Variants in LMBR1 observed in about 807,000 individuals in gnomAD.
The protein encoded by LMBR1 is limb development membrane protein 1, also known as limb region 1 protein homolog.
A neutral mutation model predicts 73.9 loss-of-function variants in LMBR1; 52 were observed. The ratio of observed to expected loss-of-function variants is 0.70; its 90% CI spans 0.56 to 0.89. The LOEUF (loss-of-function observed/expected upper bound fraction) is 0.89, where lower values mean the gene tolerates loss of function less well. Ranked by LOEUF, LMBR1 falls within the 40% of genes least tolerant of loss-of-function variation. The probability of loss-of-function intolerance (pLI) is 0.00; values close to 1 mark genes in which losing one functional copy is unlikely to be tolerated. For missense variants in LMBR1, 539 were observed against 579.8 expected, an observed-to-expected ratio of 0.93 and a Z score of 0.72; for synonymous variants, 215 against 209.4, an observed-to-expected ratio of 1.03 and a Z score of -0.23.
intron 1 of LMBR1, among the ~76,000 whole-genome samples, chr7:156,841,566 A>G (rs1838704039): frequency 6.6e-6 from 1 of 152,172 alleles, no homozygotes; most frequent in Admixed American, 6.5e-5. Flanking sequence ...GAGGCAAACC[A>G]AGAGACTAGA....
Position 156,681,124 on chromosome 7 carries a change from A to G in LMBR1, c.*2954T>C, listed in dbSNP as rs1804949305. On this transcript the variant is annotated 3_prime_UTR_variant, in exon 17 of 17. Transcript: ENST00000353442. ...TGTAAGAATTCTGCCTTTATGCATT[A>G]AATAACGTGCTACCAACAAAACTAG... The G allele has an allele frequency of 1.1e-5, 5 of 438,822 alleles. No homozygotes were observed. Among genetic ancestry groups the G allele is most frequent in the South Asian group, 6.7e-5 (4 of 59,756 alleles). The allele number at this position is 438,822 out of a possible 1,614,324, so 27.2% of individuals were successfully genotyped here.
chr7:156,816,182 A>C (rs984940292), intron 4 of LMBR1, among the ~76,000 whole-genome samples: 5 of 152,058 alleles, frequency 3.3e-5, no homozygotes, highest in African/African-American at 1.2e-4. Flanking sequence ...AAATGAAAAA[A>C]ATATTTTTTT....
intron 5 of LMBR1, among the ~76,000 whole-genome samples, chr7:156,786,334 C>T (rs1828099195): frequency 6.6e-6 from 1 of 151,916 alleles, no homozygotes; most frequent in Non-Finnish European, 1.5e-5. Context: ...ATTCCCAGTG[C>T]TACAAGCTTA....
At chr7:156,723,820 T>A (rs1815129802) in intron 15 of LMBR1, among the ~76,000 whole-genome samples, 1 of 152,124 alleles carries the variant, frequency 6.6e-6, no homozygotes. Context: ...ACTAGAGGAC[T>A]CGAAAGCCTA....
chr7:156,669,536 C>T lies in LMBR1; in HGVS notation n.867-249G>A, dbSNP rs187771943. 1.4e-4 allele frequency among the ~76,000 whole-genome samples: 21 copies of T among 152,228 alleles called. No individual in the cohort carries two copies. The highest frequency in any genetic ancestry group is 2.1e-4 in the South Asian group (1 of 4,818). ...AGGGGCAGGCTGGCAGAGTGTGAGC[C>T]GCTGGGCACAGGTGACCCTTCCAGG... On this transcript the variant is annotated intron_variant and non_coding_transcript_variant, in intron 4 of 4. Coordinates refer to the LMBR1 transcript ENST00000430825. The surrounding 1 kb of genome is among the most constrained non-coding windows in gnomAD (Gnocchi z 4.2).
intron 1 of LMBR1, among the ~76,000 whole-genome samples, chr7:156,862,045 C>T (rs915439962): frequency 8.5e-5 from 13 of 152,254 alleles, no homozygotes; most frequent in Non-Finnish European, 1.5e-5. Context: ...TCAACAGTGT[C>T]TCATTCTCCT....
chr7:156,711,799 T>C (rs1405940434), intron 15 of LMBR1, among the ~76,000 whole-genome samples: 1 of 152,138 alleles, frequency 6.6e-6, no homozygotes, highest in African/African-American at 2.4e-5. Context: ...GATTGCCATA[T>C]GCAGATAAAA....
At chr7:156,879,892 A>G (rs918547172) in intron 1 of LMBR1, among the ~76,000 whole-genome samples, 3 of 152,210 alleles carry the variant, frequency 2.0e-5, no homozygotes, top group Non-Finnish European at 4.4e-5. Context: ...ACACTTCTAC[A>G]CTGCTGGTGG....
chr7:156,849,229 A>G (rs769418939), intron 1 of LMBR1, among the ~76,000 whole-genome samples: 3 of 152,144 alleles, frequency 2.0e-5, no homozygotes, highest in Non-Finnish European at 4.4e-5. Context: ...AGCTGGAGCT[A>G]GAGACCATTA....
chr7:156,876,240 A>G (rs1800152445), intron 1 of LMBR1, among the ~76,000 whole-genome samples: 2 of 152,250 alleles, frequency 1.3e-5, no homozygotes, highest in South Asian at 4.1e-4. Flanking sequence ...TTATATAATG[A>G]TAAAAGGCCT....
intron 1 of LMBR1, among the ~76,000 whole-genome samples, chr7:156,843,394 G>A (rs1287099571): frequency 1.3e-5 from 2 of 152,134 alleles, no homozygotes; most frequent in African/African-American, 2.4e-5. Flanking sequence ...TGATGGACAG[G>A]AGAAACAAAG....
chr7:156,716,985 A>G (rs1008653506), intron 15 of LMBR1, among the ~76,000 whole-genome samples: 3 of 152,068 alleles, frequency 2.0e-5, no homozygotes, highest in Non-Finnish European at 4.4e-5. Flanking sequence ...AAAAAATTAA[A>G]AAGTTTAGCT....
At chr7:156,714,167 T>C (rs960118565) in intron 15 of LMBR1, among the ~76,000 whole-genome samples, 4 of 152,194 alleles carry the variant, frequency 2.6e-5, no homozygotes, top group African/African-American at 9.7e-5. Flanking sequence ...AAATGTTGTG[T>C]GGCAGGCCAT....
chr7:156,672,086 G>A (rs1802677616), intron 4 of LMBR1, among the ~76,000 whole-genome samples: 1 of 152,138 alleles, frequency 6.6e-6, no homozygotes, highest in South Asian at 2.1e-4. Flanking sequence ...TGATTCTTAT[G>A]TATATTAAAA....
At chr7:156,735,565 T>C (rs1388339566) in intron 9 of LMBR1, among the ~76,000 whole-genome samples, 5 of 148,186 alleles carry the variant, frequency 3.4e-5, no homozygotes, top group Non-Finnish European at 7.4e-5. Flanking sequence ...TTTTTTTCAT[T>C]ATGCAATTGT....
chr7:156,804,950 C>A (rs1168881637), intron 4 of LMBR1, among the ~76,000 whole-genome samples: 1 of 152,114 alleles, frequency 6.6e-6, no homozygotes, highest in East Asian at 1.9e-4. Context: ...TTTTCTTCTA[C>A]AAGTTTCATA....
At chr7:156,715,583 A>C (rs916546611) in intron 15 of LMBR1, among the ~76,000 whole-genome samples, 10 of 152,298 alleles carry the variant, frequency 6.6e-5, no homozygotes, top group African/African-American at 2.4e-4. Context: ...ACCCATCCCC[A>C]GAATTCTCTT....
intron 1 of LMBR1, among the ~76,000 whole-genome samples, chr7:156,866,350 A>C (rs1479526460): frequency 1.3e-5 from 2 of 152,096 alleles, no homozygotes; most frequent in South Asian, 4.1e-4. Flanking sequence ...TTAAAGGCAA[A>C]GAGGAGAGGT....
intron 3 of LMBR1, among the ~76,000 whole-genome samples, chr7:156,831,470 A>G (rs762366487): frequency 2.6e-5 from 4 of 152,086 alleles, no homozygotes; most frequent in Non-Finnish European, 5.9e-5. Context: ...TACCACAGCA[A>G]AAGACAAAGA....
Sources: allele counts gnomAD v4.1 joint callset (sites outside exome capture counted in the v4.1 genomes callset), GRCh38; gene constraint gnomAD v4.1.1; non-coding constraint Gnocchi (gnomAD v3.1); transcripts MANE v1.5; gene names NCBI Gene and HGNC (gene_info 2026-07-23, HGNC 2026-07-21).